Variants in KCNJ3 observed in about 807,000 individuals in gnomAD.
The protein encoded by KCNJ3 is potassium inwardly rectifying channel subfamily J member 3, also known as G protein-activated inward rectifier potassium channel 1.
KCNJ3 carries 4 observed loss-of-function variants against 39.2 expected under a neutral mutation model. The observed-to-expected ratio is 0.10, with a 90% CI of 0.05 to 0.23. The LOEUF is 0.23. KCNJ3 is among the 10% of genes least tolerant of loss of function. KCNJ3 has a pLI of 1.00. For missense variants in KCNJ3, 276 were observed against 634.9 expected (o/e 0.43, Z 6.08); for synonymous variants, 230 against 237.4 (o/e 0.97, Z 0.29).
At chr2:154,853,699 A>G (rs912078787) in intron 2 of KCNJ3, among the ~76,000 whole-genome samples, 16 of 152,118 alleles carry the variant, frequency 1.1e-4, no homozygotes, top group African/African-American at 3.1e-4. Context: ...TATGGTTTTA[A>G]TTTATTCCTG....
At chr2:154,814,548 A>C (rs1411468793) in intron 2 of KCNJ3, among the ~76,000 whole-genome samples, 1 of 152,068 alleles carries the variant, frequency 6.6e-6, no homozygotes, top group East Asian at 1.9e-4. Context: ...GAGGCAGGAG[A>C]ATCATTTGAA....
intron 2 of KCNJ3, 97 bp downstream of exon 2, chr2:154,709,916 A>T: frequency 7.4e-7 from 1 of 1,342,868 alleles, no homozygotes; most frequent in African/African-American, 1.5e-5. Flanking sequence ...AATGACTCAG[A>T]GTTTACAATA....
chr2:154,744,966 T>C (rs1248274197), intron 2 of KCNJ3, among the ~76,000 whole-genome samples: 2 of 151,944 alleles, frequency 1.3e-5, no homozygotes, highest in Non-Finnish European at 2.9e-5. Context: ...TTATTTTCCT[T>C]GATATTTCTT....
In KCNJ3 at chr2:154,738,918, G is replaced by C. The variant is rs182914760; in HGVS notation, c.919+29099G>C. On this transcript the variant is annotated intron_variant, in intron 2 of 2. Transcript: ENST00000295101. The stretch of plus-strand genomic sequence containing the variant: ...GAGGAGAAAAATAGTACCAGATGAA[G>C]TGAAGAACATGGAAATGGTGACTAT... 3.6e-3 allele frequency among the ~76,000 whole-genome samples: 552 copies of C among 152,030 alleles called. 1 individual carries two copies. Among genetic ancestry groups the C allele is most frequent in the Non-Finnish European group, 6.9e-3 (472 of 67,932 alleles).
At chr2:154,700,449 A>G (rs1684868794) in intron 1 of KCNJ3, among the ~76,000 whole-genome samples, 1 of 152,184 alleles carries the variant, frequency 6.6e-6, no homozygotes, top group African/African-American at 2.4e-5. Flanking sequence ...GTGATTTACA[A>G]TTCATTTTTT....
intron 2 of KCNJ3, among the ~76,000 whole-genome samples, chr2:154,829,990 T>G (rs73965523): frequency 1.4e-4 from 21 of 152,282 alleles, no homozygotes; most frequent in African/African-American, 4.8e-4. Flanking sequence ...CAGATGGCTG[T>G]TTCCTTCACA....
intron 2 of KCNJ3, among the ~76,000 whole-genome samples, chr2:154,743,814 C>CTGCTTT (rs1685692303): frequency 6.6e-6 from 1 of 151,298 alleles, no homozygotes; most frequent in Non-Finnish European, 1.5e-5. Context: ...AACACATTTT[C>CTGCTTT]TGTTTTTGTT....
At chr2:154,769,355 C>T (rs916880672) in intron 2 of KCNJ3, among the ~76,000 whole-genome samples, 2 of 152,068 alleles carry the variant, frequency 1.3e-5, no homozygotes, top group Non-Finnish European at 2.9e-5. Context: ...TTTTGAGATA[C>T]GTCCCATCAG....
intron 2 of KCNJ3, among the ~76,000 whole-genome samples, chr2:154,717,446 T>C (rs1414406711): frequency 6.6e-6 from 1 of 152,148 alleles, no homozygotes; most frequent in African/African-American, 2.4e-5. Flanking sequence ...TATTAAGCTG[T>C]TACAATAGGC....
At chr2:154,758,972 T>C (rs951509098) in intron 2 of KCNJ3, among the ~76,000 whole-genome samples, 7 of 152,216 alleles carry the variant, frequency 4.6e-5, no homozygotes, top group African/African-American at 1.4e-4. Context: ...AGGCTGTTGA[T>C]TGGAGTCTTG....
At chr2:154,794,951 G>A (rs1209354029) in intron 2 of KCNJ3, among the ~76,000 whole-genome samples, 2 of 151,900 alleles carry the variant, frequency 1.3e-5, no homozygotes, top group African/African-American at 2.4e-5. Flanking sequence ...TGTATGCCAA[G>A]CACTGTTTAA....
At chr2:154,768,938 T>G (rs536106108) in intron 2 of KCNJ3, among the ~76,000 whole-genome samples, 1 of 152,162 alleles carries the variant, frequency 6.6e-6, no homozygotes. Context: ...ATTTTATTCT[T>G]TTTGAAGTAA....
chr2:154,846,853 T>C (rs1687672923), intron 2 of KCNJ3, among the ~76,000 whole-genome samples: 2 of 152,170 alleles, frequency 1.3e-5, no homozygotes, highest in South Asian at 4.1e-4. Context: ...CTAAAATTCT[T>C]ATTGAAGCTT....
intron 2 of KCNJ3, among the ~76,000 whole-genome samples, chr2:154,758,575 G>A (rs1685982591): frequency 6.6e-6 from 1 of 152,072 alleles, no homozygotes. Context: ...GTCCTTACAT[G>A]TTCAGTAGAG....
intron 2 of KCNJ3, among the ~76,000 whole-genome samples, chr2:154,796,532 T>C (rs1236429414): frequency 6.6e-6 from 1 of 152,132 alleles, no homozygotes; most frequent in Non-Finnish European, 1.5e-5. Flanking sequence ...TCCTGGGTCA[T>C]GTTTTTGTAT....
Position 154,730,937 on chromosome 2 carries a change from T to C in KCNJ3, c.919+21118T>C, listed in dbSNP as rs527913772. ...AAAAATTGAAATCACATTTAAAAAG[T>C]AATTTAGCATATTTTTTCTAAAAAG... is the stretch of plus-strand genomic sequence containing the variant. On this transcript the variant is annotated intron_variant, in intron 2 of 2. Coordinates refer to ENST00000295101, the MANE Select transcript of KCNJ3 (RefSeq NM_002239.4). Among the ~76,000 whole-genome samples the C allele has an allele frequency of 6.6e-5, 10 of 152,234 alleles. No homozygotes were observed. In the East Asian group the frequency reaches 1.7e-3, roughly 26 times the overall value.
chr2:154,752,245 A>G (rs191496709), intron 2 of KCNJ3, among the ~76,000 whole-genome samples: 3 of 150,824 alleles, frequency 2.0e-5, no homozygotes, highest in Admixed American at 2.0e-4. Flanking sequence ...TTGTCATAAT[A>G]AAAGTAATAC....
intron 2 of KCNJ3, among the ~76,000 whole-genome samples, chr2:154,767,967 T>C (rs1686165027): frequency 6.6e-6 from 1 of 152,258 alleles, no homozygotes; most frequent in Non-Finnish European, 1.5e-5. Flanking sequence ...ATGTGTCTGT[T>C]GGCTGCATAA....
intron 2 of KCNJ3, among the ~76,000 whole-genome samples, chr2:154,809,604 G>C (rs1401662872): frequency 6.6e-6 from 1 of 152,144 alleles, no homozygotes. Flanking sequence ...TTGGCTTGAG[G>C]TTTTCCTTTA....
Sources: gnomAD v4.1 joint callset for allele counts (sites outside exome capture counted in the v4.1 genomes callset) on GRCh38, gnomAD v4.1.1 for gene constraint, MANE v1.5 for transcripts, NCBI Gene and HGNC (gene_info 2026-07-23, HGNC 2026-07-21) for gene names.